Variants in DOCK7 observed in about 807,000 individuals in gnomAD.
DOCK7 encodes the protein dedicator of cytokinesis protein 7.
In DOCK7, 138 loss-of-function variants were observed where a neutral mutation model predicts 271.0. That is an observed-to-expected ratio of 0.51 (90% CI 0.44 to 0.59). The LOEUF is 0.59. Among genes scored for constraint, DOCK7 ranks in the 20% least tolerant of loss-of-function variants. The probability of loss-of-function intolerance (pLI) is 0.00; values close to 1 mark genes in which losing one functional copy is unlikely to be tolerated. For synonymous variants in DOCK7, 823 were observed against 876.1 expected (o/e 0.94, Z 1.07); for missense variants, 2,066 against 2,592.4 (o/e 0.80, Z 4.41).
intron 14 of DOCK7, chr1:62,605,051 G>A (rs1429337854): frequency 2.3e-6 from 1 of 441,690 alleles, no homozygotes; most frequent in Non-Finnish European, 4.1e-6. Flanking sequence ...TGTGATGTGG[G>A]AATCAATTTT....
chr1:62,517,700 C>T (rs1245427137), intron 31 of DOCK7, among the ~76,000 whole-genome samples: 1 of 152,180 alleles, frequency 6.6e-6, no homozygotes, highest in East Asian at 1.9e-4. Flanking sequence ...TCCAACAACA[C>T]ACACAATATC....
intron 31 of DOCK7, among the ~76,000 whole-genome samples, chr1:62,518,777 GA>G (rs959866817): frequency 2.3e-4 from 32 of 141,042 alleles, no homozygotes; most frequent in African/African-American, 6.5e-4. Context: ...ATAAAAGAGA[GA>G]AAAAAAAAAC....
intron 41 of DOCK7, among the ~76,000 whole-genome samples, chr1:62,490,235 T>C (rs575156686): frequency 3.3e-5 from 5 of 151,966 alleles, no homozygotes; most frequent in African/African-American, 1.2e-4. Flanking sequence ...CATGCCCAGC[T>C]AATTTTTTCA....
intron 48 of DOCK7, among the ~76,000 whole-genome samples, chr1:62,471,999 C>A (rs1411383033): frequency 1.3e-5 from 2 of 151,830 alleles, no homozygotes; most frequent in Non-Finnish European, 2.9e-5. Flanking sequence ...AGTTACCATA[C>A]TGAATGGTAA....
intron 2 of DOCK7, among the ~76,000 whole-genome samples, chr1:62,657,887 C>CAAAACA (rs762257277): frequency 1.4e-5 from 2 of 147,684 alleles, no homozygotes; most frequent in Non-Finnish European, 3.0e-5. Context: ...AAAATCAAAA[C>CAAAACA]AAAACAAAAA....
At chr1:62,646,750 GC>G (rs1333496781) in intron 7 of DOCK7, among the ~76,000 whole-genome samples, 1 of 152,164 alleles carries the variant, frequency 6.6e-6, no homozygotes, top group Non-Finnish European at 1.5e-5. Flanking sequence ...TGTTATAGCA[GC>G]CTGAGCAGAC....
intron 1 of DOCK7, among the ~76,000 whole-genome samples, chr1:62,682,082 G>A (rs947853367): frequency 6.6e-6 from 1 of 151,962 alleles, no homozygotes; most frequent in Non-Finnish European, 1.5e-5. Flanking sequence ...TACAGAGATG[G>A]AAACAAGCAT....
chr1:62,643,580 A>G (rs1656293807), intron 7 of DOCK7, among the ~76,000 whole-genome samples: 1 of 151,982 alleles, frequency 6.6e-6, no homozygotes, highest in African/African-American at 2.4e-5. Flanking sequence ...CATTTTTACT[A>G]TGTTTAGTCT....
chr1:62,455,934 A>G lies in DOCK7; in HGVS notation c.6381-478T>C, dbSNP rs546173750. On this transcript the variant is annotated intron_variant, in intron 49 of 49. Transcript: ENST00000635253. ...ATCATATCAGAAATTAAAACTAAGA[A>G]CATCTTAAGTTACTATAAAATAACC... is the stretch of plus-strand genomic sequence containing the variant. Among the ~76,000 whole-genome samples the G allele has an allele frequency of 1.7e-4, 25 of 151,434 alleles. 1 individual carries two copies. In the South Asian group the frequency reaches 5.0e-3, roughly 30 times the overall value.
rs12074528 is a variant in DOCK7, at chr1:62,545,200, T to C, written c.2767-161A>G. Among the ~76,000 whole-genome samples, 88,599 of 151,940 alleles carry C rather than the reference T, an allele frequency of 0.58. 27,498 individuals carry two copies. The highest frequency in any genetic ancestry group is 0.76 in the East Asian group (3,915 of 5,178). ...TAGGCACCTATAGAGTATTAGTTCATCAAAATTATCTTATTATATAACACA... is the reference window on the plus strand; with the variant it reads ...TAGGCACCTATAGAGTATTAGTTCACCAAAATTATCTTATTATATAACACA... On this transcript the variant is annotated intron_variant, in intron 22 of 49. Coordinates refer to ENST00000635253, the MANE Select transcript of DOCK7 (RefSeq NM_001367561.1).
intron 37 of DOCK7, among the ~76,000 whole-genome samples, chr1:62,497,123 T>C (rs1454854116): frequency 6.6e-6 from 1 of 152,312 alleles, no homozygotes; most frequent in Admixed American, 6.5e-5. Context: ...TCTTTGTATA[T>C]TTAAATTACT....
At chr1:62,529,208 T>G in intron 30 of DOCK7, 69 bp downstream of exon 30, 755 of 1,376,456 alleles carry the variant, frequency 5.5e-4, no homozygotes, top group Non-Finnish European at 6.6e-4. Context: ...TCTTCATCCT[T>G]GAGATATTTT....
intron 27 of DOCK7, among the ~76,000 whole-genome samples, chr1:62,538,945 C>T (rs191355136): frequency 1.1e-3 from 164 of 152,182 alleles, no homozygotes; most frequent in African/African-American, 3.6e-3. Context: ...AGTTTACTAC[C>T]AAAGTGGCCC....
At chr1:62,575,966 A>C (rs866685941) in intron 18 of DOCK7, among the ~76,000 whole-genome samples, 4 of 152,274 alleles carry the variant, frequency 2.6e-5, no homozygotes, top group Middle Eastern at 3.4e-3. Context: ...TCTATATAAC[A>C]AAGTCACATG....
rs1318028610 is a variant in DOCK7 at position 62,634,850 on chromosome 1, C to T, written c.958G>A (p.Ala320Thr). The T allele has an allele frequency of 1.2e-6, 2 of 1,612,798 alleles. No homozygotes were observed. The highest frequency in any genetic ancestry group is 8.5e-7 in the Non-Finnish European group (1 of 1,179,074). The change falls in exon 9 of 50, where the codon GCT (alanine) becomes ACT (threonine). Residue 320 changes from alanine to threonine, a missense_variant. By Grantham distance (58) the Ala-to-Thr change is moderately conservative. Transcript: ENST00000635253. ...GATCTTGCCAGGGTAGTAATGGCAG[C>T]AGGTGGTACATGTGGACGTAACAAC... Reference protein sequence around the residue: ...KGLLRPHVPPAAITTLARSAI... With the variant: ...KGLLRPHVPPTAITTLARSAI...
rs1659168447 is a variant in DOCK7, at chr1:62,665,333, A to T, written c.39-2203T>A. On this transcript the variant is annotated intron_variant, in intron 1 of 49. Transcript: ENST00000635253. ...AGCCTATATAATGTGAGTATTCATT[A>T]TTATGTTTAGCTTGAAGTCCTTACA... Among the ~76,000 whole-genome samples the T allele has an allele frequency of 2.6e-5, 4 of 152,078 alleles. No individual in the cohort carries two copies. The South Asian group carries it at 8.3e-4, about 32-fold the overall frequency.
rs1557626395 is a variant in DOCK7, at chr1:62,496,444, GC to G, written c.4817del (p.Gly1606AlafsTer11). 1 of 1,613,534 alleles carries G rather than the reference GC, an allele frequency of 6.2e-7. No homozygotes were observed. The highest frequency in any genetic ancestry group is 8.5e-7 in the Non-Finnish European group (1 of 1,179,674). On this transcript the variant is annotated frameshift_variant, in exon 38 of 50. Coordinates refer to ENST00000635253, the MANE Select transcript of DOCK7 (RefSeq NM_001367561.1). LOFTEE classifies it high-confidence loss of function. ...ATTCTTCATTAAAATTCTGAGATGT[GC>G]CCACCAAGGAGGATAGTGACATTGT... ...QVTMSLSSLV[G>X]TSQNFNEEFL...
chr1:62,655,601 T>C (rs1657924191), intron 2 of DOCK7, among the ~76,000 whole-genome samples: 1 of 152,104 alleles, frequency 6.6e-6, no homozygotes, highest in Admixed American at 6.5e-5. Flanking sequence ...ATTTTTGTGT[T>C]TTTTTGTAGA....
intron 31 of DOCK7, among the ~76,000 whole-genome samples, chr1:62,516,280 A>G (rs1644659667): frequency 6.6e-6 from 1 of 152,204 alleles, no homozygotes; most frequent in East Asian, 1.9e-4. Flanking sequence ...AAGGCACATC[A>G]TAAATTAGTA....
Sources: gnomAD v4.1 joint callset for allele counts (sites outside exome capture counted in the v4.1 genomes callset) on GRCh38, gnomAD v4.1.1 for gene constraint, MANE v1.5 for transcripts, NCBI Gene and HGNC (gene_info 2026-07-23, HGNC 2026-07-21) for gene names.